Variants in ZSWIM3 observed in about 807,000 individuals in gnomAD.
The protein encoded by ZSWIM3 is zinc finger SWIM domain-containing protein 3.
ZSWIM3 carries 27 observed loss-of-function variants against 47.5 expected under a neutral mutation model. The observed-to-expected ratio is 0.57, with a 90% confidence interval of 0.42 to 0.78. ZSWIM3 has a LOEUF of 0.78. Ranked by LOEUF, ZSWIM3 falls within the 30% of genes least tolerant of loss-of-function variation. The pLI is 0.00. For missense variants in ZSWIM3, 689 were observed against 861.3 expected (o/e 0.80, Z 2.50); for synonymous variants, 333 against 333.9 (o/e 1.00, Z 0.03).
intron 1 of ZSWIM3, among the ~76,000 whole-genome samples, chr20:45,874,427 G>A (rs1298983343): frequency 2.6e-5 from 4 of 152,184 alleles, no homozygotes; most frequent in South Asian, 2.1e-4. Context: ...CAGGAGAATC[G>A]CTTGAACCCC....
intron 1 of ZSWIM3, among the ~76,000 whole-genome samples, chr20:45,858,608 G>A (rs1325351108): frequency 6.6e-6 from 1 of 152,154 alleles, no homozygotes; most frequent in Non-Finnish European, 1.5e-5. Flanking sequence ...CCAGACTCCT[G>A]GACTAAGCGA....
intron 1 of ZSWIM3, among the ~76,000 whole-genome samples, chr20:45,868,789 TATA>T (rs56067465): frequency 0.54 from 82,349 of 151,650 alleles, 23,131 homozygotes; most frequent in Admixed American, 0.63. Context: ...TTTTGCTAAA[TATA>T]ATAATAATAA....
At chr20:45,872,441 TG>T (rs1568747953) in intron 1 of ZSWIM3, among the ~76,000 whole-genome samples, 1 of 152,154 alleles carries the variant, frequency 6.6e-6, no homozygotes, top group African/African-American at 2.4e-5. Flanking sequence ...CAATATAACT[TG>T]ATGAGCTAGA....
chr20:45,860,672 GTC>G (rs918701416), intron 1 of ZSWIM3, among the ~76,000 whole-genome samples: 22 of 151,924 alleles, frequency 1.4e-4, no homozygotes, highest in African/African-American at 5.3e-4. Context: ...CTGTCATCAC[GTC>G]TCTGACTCCC....
At position 45,857,819 on chromosome 20, in the gene ZSWIM3, G is replaced by A. The variant is rs768951168; in HGVS notation, c.-7G>A. On this transcript the variant is annotated 5_prime_UTR_variant, in exon 1 of 2. Transcript: ENST00000255152. Reference sequence around the variant, plus strand: ...ACCAGCCCCTAGTGTGGGTTGTGGGGGCGGCCATGGAGCTGGGCAGCTGCT... The same window carrying A: ...ACCAGCCCCTAGTGTGGGTTGTGGGAGCGGCCATGGAGCTGGGCAGCTGCT... 4.3e-6 allele frequency: 7 copies of A among 1,613,506 alleles called. No homozygotes were observed. Among genetic ancestry groups the A allele is most frequent in the Non-Finnish European group, 5.9e-6 (7 of 1,179,590 alleles).
In ZSWIM3 at chr20:45,877,692, C is replaced by T; in HGVS notation, c.1134C>T (p.Tyr378=). 2 of 1,614,082 alleles carry T rather than the reference C, an allele frequency of 1.2e-6. No homozygotes were observed. Among genetic ancestry groups the T allele is most frequent in the Non-Finnish European group, 1.7e-6 (2 of 1,179,952 alleles). ...GGTTCACCTGTGAACTGCTGTGGTA[C>T]ATGCATGTTAGGAAGGGCCTGCTTG... ...AHWFTCELLW[Y]MHVRKGLLAC... Residue 378 remains tyrosine, a synonymous_variant, in exon 2 of 2, where the codon TAC becomes TAT. Coordinates refer to ENST00000255152, the MANE Select transcript of ZSWIM3 (RefSeq NM_080752.4).
chr20:45,875,035 C>CTTAT (rs1555828337), intron 1 of ZSWIM3, among the ~76,000 whole-genome samples: 1 of 90,542 alleles, frequency 1.1e-5, no homozygotes, highest in African/African-American at 4.1e-5. Flanking sequence ...TTAATTTTAA[C>CTTAT]TTTTTTTTTT....
Position 45,877,142 on chromosome 20 carries a change from G to C in ZSWIM3, c.584G>C (p.Gly195Ala). Residue 195 changes from glycine (G) to alanine (A), a missense_variant, in exon 2 of 2, where the codon GGT (glycine) becomes GCT (alanine). Transcript: ENST00000255152. ...GGTTCCATGGCTTCCTTCAGTGTGGGTGACAGCCAGCACCTGGACCGGCTC... is the reference window on the plus strand; with the variant it reads ...GGTTCCATGGCTTCCTTCAGTGTGGCTGACAGCCAGCACCTGGACCGGCTC... ...DEGSMASFSVGDSQHLDRLSF... is the reference protein window; with the variant it reads ...DEGSMASFSVADSQHLDRLSF... 6.2e-7 allele frequency: 1 copy of C among 1,614,154 alleles called. No individual in the cohort carries two copies. Among genetic ancestry groups the C allele is most frequent in the Non-Finnish European group, 8.5e-7 (1 of 1,180,032 alleles).
intron 1 of ZSWIM3, among the ~76,000 whole-genome samples, chr20:45,871,940 T>G (rs1279113824): frequency 6.6e-6 from 1 of 150,394 alleles, no homozygotes; most frequent in Non-Finnish European, 1.5e-5. Flanking sequence ...ATGTTGGGAG[T>G]CAAGATGAGG....
Position 45,857,867 on chromosome 20 carries a change from G to C in ZSWIM3, c.42G>C (p.Lys14Asn), listed in dbSNP as rs1290348758. 1 of 1,614,018 alleles carries C rather than the reference G, an allele frequency of 6.2e-7. No individual in the cohort carries two copies. Among genetic ancestry groups the C allele is most frequent in the Non-Finnish European group, 8.5e-7 (1 of 1,180,008 alleles). Residue 14 changes from lysine to asparagine, a missense_variant, in exon 1 of 2, where the codon AAG becomes AAC. Lys to Asn is a moderately conservative substitution (Grantham distance 94). Transcript: ENST00000255152. ...GSCFKTYEDFKECFSAYKREN... is the reference protein window; with the variant it reads ...GSCFKTYEDFNECFSAYKREN... ...GCTTCAAGACCTATGAGGACTTCAA[G>C]GAGTGCTTCAGCGCCTACAAAAGGG...
chr20:45,876,024 G>GTTTTTTGT (rs141851265), intron 1 of ZSWIM3, among the ~76,000 whole-genome samples: 45 of 148,904 alleles, frequency 3.0e-4, no homozygotes, highest in African/African-American at 1.0e-3. Context: ...CTGTTTGTTT[G>GTTTTTTGT]TTTTTTGTTT....
intron 1 of ZSWIM3, among the ~76,000 whole-genome samples, chr20:45,874,861 G>A (rs1196702737): frequency 6.6e-6 from 1 of 151,976 alleles, no homozygotes; most frequent in Admixed American, 6.6e-5. Flanking sequence ...TATGAAGGGG[G>A]CTGGAGTTGG....
Position 45,857,866 on chromosome 20 carries a change from A to G in ZSWIM3, c.41A>G (p.Lys14Arg), listed in dbSNP as rs1450760889. The change falls in exon 1 of 2, where the codon AAG becomes AGG. Residue 14 changes from lysine (K) to arginine (R), a missense_variant. Physicochemically the swap from Lys to Arg is conservative, Grantham distance 26 (BLOSUM62 2). Coordinates refer to ENST00000255152, the MANE Select transcript of ZSWIM3 (RefSeq NM_080752.4). ...GSCFKTYEDF[K>R]ECFSAYKREN... Reference sequence around the variant, plus strand: ...TGCTTCAAGACCTATGAGGACTTCAAGGAGTGCTTCAGCGCCTACAAAAGG... The same window carrying G: ...TGCTTCAAGACCTATGAGGACTTCAGGGAGTGCTTCAGCGCCTACAAAAGG... 2 of 1,614,008 alleles carry G rather than the reference A, an allele frequency of 1.2e-6. No homozygotes were observed. Among genetic ancestry groups the G allele is most frequent in the Non-Finnish European group, 8.5e-7 (1 of 1,180,022 alleles).
intron 1 of ZSWIM3, among the ~76,000 whole-genome samples, chr20:45,862,339 G>C (rs1040979580): frequency 6.6e-6 from 1 of 151,440 alleles, no homozygotes; most frequent in African/African-American, 2.4e-5. Flanking sequence ...GTAGAGACAG[G>C]GTTTCACCAT....
chr20:45,876,111 C>T (rs979690113), intron 1 of ZSWIM3, among the ~76,000 whole-genome samples: 12 of 143,514 alleles, frequency 8.4e-5, no homozygotes, highest in Admixed American at 2.1e-4. Flanking sequence ...GGCGCGATCT[C>T]AGCTCACTGC....
chr20:45,875,294 G>A (rs944927757), intron 1 of ZSWIM3, among the ~76,000 whole-genome samples: 7 of 151,670 alleles, frequency 4.6e-5, no homozygotes, highest in Non-Finnish European at 8.8e-5. Flanking sequence ...CACCCGCCTC[G>A]GCCTCCCAAA....
At chr20:45,864,087 G>A (rs1012695039) in intron 1 of ZSWIM3, among the ~76,000 whole-genome samples, 1 of 152,202 alleles carries the variant, frequency 6.6e-6, no homozygotes, top group African/African-American at 2.4e-5. Flanking sequence ...GGCTCTAATA[G>A]TTTTCTAATG....
At position 45,875,289 on chromosome 20, in the gene ZSWIM3, G is replaced by A. The variant is rs555104326; in HGVS notation, c.156-1425G>A. Among the ~76,000 whole-genome samples, 4 of 151,806 alleles carry A rather than the reference G, an allele frequency of 2.6e-5. No homozygotes were observed. In the South Asian group the frequency reaches 6.2e-4, roughly 24 times the overall value. ...GATCTCCTGATCTCGTGATTCACCC[G>A]CCTCGGCCTCCCAAAGTGGTGGGAT... On this transcript the variant is annotated intron_variant, in intron 1 of 1. Coordinates refer to ENST00000255152, the MANE Select transcript of ZSWIM3 (RefSeq NM_080752.4).
At chr20:45,862,789 G>C (rs7348609) in intron 1 of ZSWIM3, among the ~76,000 whole-genome samples, 1 of 152,138 alleles carries the variant, frequency 6.6e-6, no homozygotes. Context: ...GCCACGCCCA[G>C]CCTATGTATT....
Sources: gnomAD v4.1 joint callset for allele counts (sites outside exome capture counted in the v4.1 genomes callset) on GRCh38, gnomAD v4.1.1 for gene constraint, MANE v1.5 for transcripts, NCBI Gene and HGNC (gene_info 2026-07-23, HGNC 2026-07-21) for gene names.